Variants in CDKN2AIPNL observed in about 807,000 individuals in gnomAD.
CDKN2AIPNL encodes CDKN2AIP N-terminal-like protein.
Under a neutral mutation model 12.9 loss-of-function variants are expected in CDKN2AIPNL, and 9 were observed. The ratio of observed to expected loss-of-function variants is 0.70; its 90% CI spans 0.42 to 1.22. The LOEUF (loss-of-function observed/expected upper bound fraction) is 1.22. Among genes scored for constraint, CDKN2AIPNL ranks in the 50% most tolerant of loss-of-function variants. The probability of loss-of-function intolerance (pLI) is 0.00; values close to 1 mark genes in which losing one functional copy is unlikely to be tolerated. For synonymous variants in CDKN2AIPNL, 53 were observed against 61.7 expected (o/e 0.86, Z 0.66); for missense variants, 143 against 153.6 (o/e 0.93, Z 0.37).
intron 1 of CDKN2AIPNL, 87 bp downstream of exon 1, chr5:134,411,529 G>C (rs531054486): frequency 8.5e-7 from 1 of 1,176,676 alleles, no homozygotes; most frequent in South Asian, 1.3e-5. Context: ...GTCTGGGGCA[G>C]AGGTTCGGGT....
rs1240815743 is a variant in CDKN2AIPNL, at chr5:134,402,093, TTTA to T, written c.*819_*821del. On this transcript the variant is annotated 3_prime_UTR_variant, in exon 3 of 3. Coordinates refer to ENST00000458198, the MANE Select transcript of CDKN2AIPNL (RefSeq NM_080656.3). ...CATCAACAACAAAAAGGCATTTTAT[TTTA>T]TTATTTTTATTTTTTTTGAGACGGT... The T allele has an allele frequency of 1.3e-5, 2 of 152,044 alleles. No individual in the cohort carries two copies. The highest frequency in any genetic ancestry group is 2.9e-5 in the Non-Finnish European group (2 of 68,030). 9.4% of individuals were successfully genotyped at this position (152,044 alleles called of 1,614,324 possible). A position where few individuals can be genotyped will look rare whatever the true frequency, so the allele number is the denominator to read the frequency against.
intron 2 of CDKN2AIPNL, among the ~76,000 whole-genome samples, chr5:134,405,662 G>A (rs1025012879): frequency 2.0e-5 from 3 of 151,940 alleles, no homozygotes; most frequent in African/African-American, 7.3e-5. Flanking sequence ...TGACCTGCCT[G>A]CCTCGGCCTC....
rs10067953 is a variant in CDKN2AIPNL, at chr5:134,402,776, G to C, written c.*139C>G. On this transcript the variant is annotated 3_prime_UTR_variant, in exon 3 of 3. Coordinates refer to ENST00000458198, the MANE Select transcript of CDKN2AIPNL (RefSeq NM_080656.3). ...AATGTTAAAAAAGCCAATCTAGACA[G>C]AGTCCTTCTCATTCCACCTGCCTCT... 3.7e-3 allele frequency: 2,402 copies of C among 657,258 alleles called. 55 individuals carry two copies. In the African/African-American group the frequency reaches 0.038, roughly 11 times the overall value. 40.7% of individuals were successfully genotyped at this position (657,258 alleles called of 1,614,324 possible).
chr5:134,405,939 T>C (rs1247512860), intron 2 of CDKN2AIPNL, among the ~76,000 whole-genome samples: 1 of 152,188 alleles, frequency 6.6e-6, no homozygotes, highest in East Asian at 1.9e-4. Context: ...TTGTTAATTA[T>C]CGCTCATTAA....
At chr5:134,409,038 G>A (rs548781560) in intron 2 of CDKN2AIPNL, among the ~76,000 whole-genome samples, 2 of 152,090 alleles carry the variant, frequency 1.3e-5, no homozygotes, top group Non-Finnish European at 2.9e-5. Flanking sequence ...GTTTCTAAGG[G>A]CAGACCTAAA....
chr5:134,405,714 C>T (rs1759094271), intron 2 of CDKN2AIPNL, among the ~76,000 whole-genome samples: 1 of 152,210 alleles, frequency 6.6e-6, no homozygotes, highest in Admixed American at 6.5e-5. Flanking sequence ...CACGCCCAGC[C>T]TTCATAGTCA....
In CDKN2AIPNL at chr5:134,411,814, A is replaced by G; in HGVS notation, c.41T>C (p.Val14Ala). ...GEAAAAVEEL[V>A]SGVRQAADFA... Reference sequence around the variant, plus strand: ...GTCGGCCGCCTGCCGCACCCCCGAAACCAGCTCCTCCACTGCGGCAGCCGC... The same window carrying G: ...GTCGGCCGCCTGCCGCACCCCCGAAGCCAGCTCCTCCACTGCGGCAGCCGC... Residue 14 changes from valine to alanine, a missense_variant, in exon 1 of 3, where the codon GTT becomes GCT. Around this residue, in one of 3 missense-constraint regions of CDKN2AIPNL, gnomAD observed 30 missense variants for 25.2 expected, o/e 1.19. Transcript: ENST00000458198. 1 of 1,598,788 alleles carries G rather than the reference A, an allele frequency of 6.3e-7. No homozygotes were observed. The highest frequency in any genetic ancestry group is 1.1e-5 in the South Asian group (1 of 89,088).
chr5:134,403,945 A>G (rs1759065973), intron 2 of CDKN2AIPNL, among the ~76,000 whole-genome samples: 1 of 152,188 alleles, frequency 6.6e-6, no homozygotes, highest in Non-Finnish European at 1.5e-5. Context: ...TTTTCAGATG[A>G]AAAAACAAAA....
intron 2 of CDKN2AIPNL, among the ~76,000 whole-genome samples, chr5:134,403,573 T>C (rs1252488991): frequency 6.6e-6 from 1 of 152,250 alleles, no homozygotes; most frequent in African/African-American, 2.4e-5. Context: ...GAGAGTCTTT[T>C]TAGTAATCAG....
At chr5:134,410,624 C>G (rs982558547) in intron 1 of CDKN2AIPNL, 1 of 187,076 alleles carries the variant, frequency 5.3e-6, no homozygotes, top group South Asian at 1.5e-4. Flanking sequence ...TTCCCCAATT[C>G]TCTGACATTT....
chr5:134,408,372 T>G (rs144355662), intron 2 of CDKN2AIPNL, among the ~76,000 whole-genome samples: 254 of 151,878 alleles, frequency 1.7e-3, no homozygotes, highest in African/African-American at 5.5e-3. Context: ...TAGCCCCTTT[T>G]TAACAGCTGA....
At chr5:134,410,116 C>G in intron 1 of CDKN2AIPNL, 114 bp from the exon 2 acceptor site, 1 of 678,964 alleles carries the variant, frequency 1.5e-6, no homozygotes, top group Non-Finnish European at 2.5e-6. Context: ...TGACCTGATA[C>G]TGCAGGGCAA....
rs1358997424 is a variant in CDKN2AIPNL at position 134,407,886 on chromosome 5, A to G, written c.339+2017T>C. 2.0e-5 allele frequency among the ~76,000 whole-genome samples: 3 copies of G among 152,160 alleles called. 1 individual carries two copies. The highest frequency in any genetic ancestry group is 2.0e-4 in the Admixed American group (3 of 15,268). On this transcript the variant is annotated intron_variant, in intron 2 of 2. Transcript: ENST00000458198. ...TGCAGTGGCTCACGCCTGTAATCCT[A>G]GCACTTTGGGAAGCTGGGCAGATCA...
chr5:134,405,287 A>T (rs1447550910), intron 2 of CDKN2AIPNL, among the ~76,000 whole-genome samples: 1 of 149,286 alleles, frequency 6.7e-6, no homozygotes, highest in African/African-American at 2.5e-5. Flanking sequence ...TTGTATTTTT[A>T]GTAGAGACGG....
Position 134,410,664 on chromosome 5 carries a change from G to A in CDKN2AIPNL, c.240-662C>T, listed in dbSNP as rs150967251. 21 of 215,876 alleles carry A rather than the reference G, an allele frequency of 9.7e-5. No individual in the cohort carries two copies. The East Asian group carries it at 2.1e-3, about 21-fold the overall frequency. The allele number at this position is 215,876 out of a possible 1,614,324, so 13.4% of individuals were successfully genotyped here. On this transcript the variant is annotated intron_variant, in intron 1 of 2. Transcript: ENST00000458198. ...AACCATGGAAAACCAGGATTTCCCA[G>A]GAGCACCTAGAAGGCAGGGAAAAGG...
At chr5:134,410,807 T>C (rs1041493224) in intron 1 of CDKN2AIPNL, 2 of 576,126 alleles carry the variant, frequency 3.5e-6, no homozygotes, top group Non-Finnish European at 6.2e-6. Flanking sequence ...GCAGCCATAA[T>C]AGGTATAGAA....
At chr5:134,410,107 G>T in intron 1 of CDKN2AIPNL, 105 bp from the exon 2 acceptor site, 1 of 729,902 alleles carries the variant, frequency 1.4e-6, no homozygotes, top group South Asian at 1.7e-5. Flanking sequence ...TCAGAGAACT[G>T]ACCTGATACT....
Position 134,411,781 on chromosome 5 carries a change from T to G in CDKN2AIPNL, c.74A>C (p.Glu25Ala), listed in dbSNP as rs1362501839. The change falls in exon 1 of 3, where the codon GAG becomes GCG. Residue 25 changes from glutamate (E) to alanine (A), a missense_variant. Coordinates refer to ENST00000458198, the MANE Select transcript of CDKN2AIPNL (RefSeq NM_080656.3). ...GCTCTCTGAGTAGGAGCGGAACTGCTCCGCGAAGTCGGCCGCCTGCCGCAC... is the reference window on the plus strand; with the variant it reads ...GCTCTCTGAGTAGGAGCGGAACTGCGCCGCGAAGTCGGCCGCCTGCCGCAC... ...SGVRQAADFA[E>A]QFRSYSESEK... The G allele has an allele frequency of 6.2e-7, 1 of 1,605,058 alleles. No individual in the cohort carries two copies. The highest frequency in any genetic ancestry group is 8.5e-7 in the Non-Finnish European group (1 of 1,177,126).
intron 2 of CDKN2AIPNL, among the ~76,000 whole-genome samples, chr5:134,405,078 C>T (rs1759082643): frequency 6.6e-6 from 1 of 151,792 alleles, no homozygotes; most frequent in Non-Finnish European, 1.5e-5. Context: ...AGCCACTGCA[C>T]CTGGCCTTTC....
Sources: allele counts gnomAD v4.1 joint callset (sites outside exome capture counted in the v4.1 genomes callset), GRCh38; gene constraint gnomAD v4.1.1; regional missense constraint gnomAD v4.1.1; transcripts MANE v1.5; gene names NCBI Gene and HGNC (gene_info 2026-07-23, HGNC 2026-07-21).